The following MGAT4C variants were observed in gnomAD, a reference collection of about 807,000 sequenced individuals.
The protein encoded by MGAT4C is alpha-1,3-mannosyl-glycoprotein 4-beta-N-acetylglucosaminyltransferase C.
A neutral mutation model predicts 40.1 loss-of-function variants in MGAT4C; 19 were observed. The ratio of observed to expected loss-of-function variants is 0.47; its 90% CI spans 0.33 to 0.70. The LOEUF (loss-of-function observed/expected upper bound fraction) is 0.70, where lower values mean the gene tolerates loss of function less well. MGAT4C is among the 30% of genes least tolerant of loss of function. The probability of loss-of-function intolerance (pLI) is 0.02; values close to 1 mark genes in which losing one functional copy is unlikely to be tolerated. For synonymous variants in MGAT4C, 181 were observed against 187.1 expected (o/e 0.97, Z 0.27); for missense variants, 491 against 563.2 (o/e 0.87, Z 1.30).
At chr12:86,418,251 A>G (rs1158048685) in intron 3 of MGAT4C, among the ~76,000 whole-genome samples, 3 of 152,098 alleles carry the variant, frequency 2.0e-5, no homozygotes, top group Non-Finnish European at 2.9e-5. Flanking sequence ...CATTCATATA[A>G]ACATAAGTCT....
intron 1 of MGAT4C, among the ~76,000 whole-genome samples, chr12:86,240,046 TAA>T (rs1951719074): frequency 1.5e-5 from 2 of 136,130 alleles, no homozygotes; most frequent in African/African-American, 5.4e-5. Context: ...AAATAAAAAA[TAA>T]AATAAAATAA....
chr12:86,237,023 T>A (rs1386471701), intron 1 of MGAT4C, among the ~76,000 whole-genome samples: 1 of 150,772 alleles, frequency 6.6e-6, no homozygotes, highest in Non-Finnish European at 1.5e-5. Context: ...TATATATATA[T>A]GTGTATTCCA....
intron 4 of MGAT4C, among the ~76,000 whole-genome samples, chr12:86,329,445 C>T (rs893359119): frequency 6.6e-6 from 1 of 152,134 alleles, no homozygotes; most frequent in African/African-American, 2.4e-5. Context: ...TTATCCATAG[C>T]AGCTGTCAAA....
chr12:86,152,249 G>C (rs1884380394), intron 1 of MGAT4C, among the ~76,000 whole-genome samples: 1 of 152,188 alleles, frequency 6.6e-6, no homozygotes, highest in Non-Finnish European at 1.5e-5. Flanking sequence ...TATAAAACCA[G>C]AAATTTACTT....
At chr12:86,641,772 A>G (rs1432860468) in intron 2 of MGAT4C, among the ~76,000 whole-genome samples, 1 of 151,764 alleles carries the variant, frequency 6.6e-6, no homozygotes, top group Non-Finnish European at 1.5e-5. Flanking sequence ...TAACCTCCGC[A>G]AAAAAGGAGT....
In MGAT4C at chr12:86,471,188, C is replaced by T. The variant is rs191511068; in HGVS notation, c.-228-35923G>A. Among the ~76,000 whole-genome samples the T allele has an allele frequency of 1.4e-3, 219 of 151,950 alleles. 1 individual carries two copies. The highest frequency in any genetic ancestry group is 5.0e-3 in the African/African-American group (206 of 41,478). On this transcript the variant is annotated intron_variant, in intron 2 of 7. Coordinates refer to the MGAT4C transcript ENST00000548651. ...TGAACCTTCAGGAATAAAGAAAGAA[C>T]AACATAAATGGTAAATATCTAGATA...
At chr12:85,990,880 G>A (rs1423659277) in intron 2 of MGAT4C, among the ~76,000 whole-genome samples, 2 of 152,154 alleles carry the variant, frequency 1.3e-5, no homozygotes, top group Non-Finnish European at 2.9e-5. Flanking sequence ...GGTGATATAT[G>A]ACATTTCAAA....
At chr12:86,090,894 A>C (rs1389864082) in intron 1 of MGAT4C, among the ~76,000 whole-genome samples, 1 of 151,952 alleles carries the variant, frequency 6.6e-6, no homozygotes, top group Non-Finnish European at 1.5e-5. Context: ...AAATCCTGAC[A>C]GCCAAAACCA....
intron 2 of MGAT4C, among the ~76,000 whole-genome samples, chr12:86,565,889 T>C (rs930089370): frequency 3.3e-5 from 5 of 152,058 alleles, no homozygotes; most frequent in Non-Finnish European, 5.9e-5. Context: ...GGGGCAGGGG[T>C]AGAGGTTACT....
intron 3 of MGAT4C, among the ~76,000 whole-genome samples, chr12:86,348,941 T>C (rs895860094): frequency 3.9e-5 from 6 of 152,140 alleles, no homozygotes; most frequent in African/African-American, 1.4e-4. Flanking sequence ...AATTTTCTAT[T>C]TTATCACTTT....
chr12:86,249,001 G>A (rs935595641), intron 1 of MGAT4C, among the ~76,000 whole-genome samples: 1 of 151,906 alleles, frequency 6.6e-6, no homozygotes, highest in East Asian at 1.9e-4. Flanking sequence ...ATGACACAAT[G>A]CTTATTGTTT....
At chr12:86,063,261 A>G (rs902491898) in intron 1 of MGAT4C, among the ~76,000 whole-genome samples, 4 of 152,172 alleles carry the variant, frequency 2.6e-5, no homozygotes, top group African/African-American at 9.7e-5. Context: ...AGAATTTCAT[A>G]TCCACCCAAA....
intron 2 of MGAT4C, among the ~76,000 whole-genome samples, chr12:86,712,821 T>C (rs1950581113): frequency 6.6e-6 from 1 of 152,068 alleles, no homozygotes. Flanking sequence ...CTCCTCTGGC[T>C]CCATTCTCTA....
rs1160057985 is a variant in MGAT4C, at chr12:85,975,224, G to A, written c.*4065C>T. 1 of 150,974 alleles carries A rather than the reference G, an allele frequency of 6.6e-6. No homozygotes were observed. The highest frequency in any genetic ancestry group is 1.5e-5 in the Non-Finnish European group (1 of 67,170). The allele number at this position is 150,974 out of a possible 1,614,324, so 9.4% of individuals were successfully genotyped here. On this transcript the variant is annotated 3_prime_UTR_variant, in exon 5 of 5. Coordinates refer to ENST00000611864, the MANE Select transcript of MGAT4C (RefSeq NM_001351288.2). ...ACATGATATTCTCTGGACAAAATATGAAAAGGTAGGCTGAATAACATTTTT... is the reference window on the plus strand; with the variant it reads ...ACATGATATTCTCTGGACAAAATATAAAAAGGTAGGCTGAATAACATTTTT...
intron 4 of MGAT4C, among the ~76,000 whole-genome samples, chr12:86,330,029 C>T (rs1411558028): frequency 6.6e-6 from 1 of 152,144 alleles, no homozygotes. Flanking sequence ...TGTCATAGGA[C>T]ACAGGAAATG....
intron 3 of MGAT4C, among the ~76,000 whole-genome samples, chr12:86,383,549 C>CAAAAA (rs1159593477): frequency 6.0e-5 from 3 of 49,846 alleles, no homozygotes; most frequent in Non-Finnish European, 6.3e-5. Flanking sequence ...CACTTCGTCT[C>CAAAAA]AAAAAAAAAA....
intron 4 of MGAT4C, among the ~76,000 whole-genome samples, chr12:86,267,917 T>G (rs1197850937): frequency 2.0e-5 from 3 of 152,136 alleles, no homozygotes; most frequent in South Asian, 2.1e-4. Context: ...ATTTAATTTT[T>G]CTTACCAAAA....
rs1012887691 is a variant in MGAT4C at position 86,136,938 on chromosome 12, G to A, written c.-56-87215C>T. ...CCTAACCTTGTGATCCGCCCACATC[G>A]GCCTCCCAAAGTGCTGGGATTACAG... On this transcript the variant is annotated intron_variant, in intron 1 of 4. Coordinates refer to ENST00000611864, the MANE Select transcript of MGAT4C (RefSeq NM_001351288.2). 3.3e-5 allele frequency among the ~76,000 whole-genome samples: 5 copies of A among 151,954 alleles called. No individual in the cohort carries two copies. The South Asian group carries it at 6.2e-4, about 19-fold the overall frequency.
Position 86,522,691 on chromosome 12 carries a change from C to T in MGAT4C, c.-228-87426G>A, listed in dbSNP as rs374533255. On this transcript the variant is annotated intron_variant, in intron 2 of 7. Coordinates refer to the MGAT4C transcript ENST00000548651. ...GGAACGGTACCAGCTCCTCTTTGTA[C>T]ATCTGGTAAAATTCAGTAGTGAATC... 7.2e-5 allele frequency among the ~76,000 whole-genome samples: 11 copies of T among 152,186 alleles called. No homozygotes were observed. The East Asian group carries it at 2.1e-3, about 29-fold the overall frequency.
Sources: gnomAD v4.1 joint callset for allele counts (sites outside exome capture counted in the v4.1 genomes callset) on GRCh38, gnomAD v4.1.1 for gene constraint, MANE v1.5 for transcripts, NCBI Gene and HGNC (gene_info 2026-07-23, HGNC 2026-07-21) for gene names.